The following HHAT variants were observed in gnomAD, a reference collection of about 807,000 sequenced individuals.
The protein encoded by HHAT is protein-cysteine N-palmitoyltransferase HHAT.
In HHAT, 47 loss-of-function variants were observed where a neutral mutation model predicts 70.8. The observed-to-expected ratio is 0.66, with a 90% CI of 0.53 to 0.85. The LOEUF (loss-of-function observed/expected upper bound fraction) is 0.85. HHAT is among the 40% of genes least tolerant of loss of function. The pLI is 0.00. For synonymous variants in HHAT, 228 were observed against 247.6 expected (o/e 0.92, Z 0.74); for missense variants, 609 against 604.8 (o/e 1.01, Z -0.07).
rs1389977840 is a variant in HHAT, at chr1:210,430,454, ATG to A, written c.856+12132_856+12133del. ...TTTATAAAAACATGAGTTTTATAAA[ATG>A]TGAGTTCATACTGAGATTTTAAATT... On this transcript the variant is annotated intron_variant, in intron 7 of 11. Transcript: ENST00000261458. Among the ~76,000 whole-genome samples the A allele has an allele frequency of 6.1e-4, 92 of 152,046 alleles. 3 individuals are homozygous for A. Among genetic ancestry groups the A allele is most frequent in the African/African-American group, 2.2e-3 (90 of 41,304 alleles).
At chr1:210,586,439 C>G (rs1660472627) in intron 9 of HHAT, among the ~76,000 whole-genome samples, 2 of 152,210 alleles carry the variant, frequency 1.3e-5, no homozygotes, top group East Asian at 1.9e-4. Context: ...GATGCTATCT[C>G]TAAAAATAAA....
chr1:210,524,088 G>A (rs1191820548), intron 9 of HHAT, among the ~76,000 whole-genome samples: 2 of 152,184 alleles, frequency 1.3e-5, no homozygotes, highest in Non-Finnish European at 2.9e-5. Flanking sequence ...GGTTGCCAGG[G>A]GGTGGGGGAA....
chr1:210,585,599 G>T (rs1660261839), intron 9 of HHAT, among the ~76,000 whole-genome samples: 1 of 151,968 alleles, frequency 6.6e-6, no homozygotes, highest in Admixed American at 6.6e-5. Flanking sequence ...TTGTATTTTT[G>T]GTCGAGACAG....
At chr1:210,429,077 A>G (rs1229798060) in intron 7 of HHAT, among the ~76,000 whole-genome samples, 1 of 151,848 alleles carries the variant, frequency 6.6e-6, no homozygotes, top group Admixed American at 6.5e-5. Flanking sequence ...CATATCACCT[A>G]TGAAGTCATA....
intron 11 of HHAT, among the ~76,000 whole-genome samples, chr1:210,658,828 C>T (rs1003071472): frequency 5.3e-5 from 8 of 152,090 alleles, no homozygotes; most frequent in Non-Finnish European, 7.4e-5. Flanking sequence ...AACTTGCTCC[C>T]GAATGACTAC....
intron 7 of HHAT, among the ~76,000 whole-genome samples, chr1:210,447,509 A>G (rs980706795): frequency 1.3e-5 from 2 of 152,216 alleles, no homozygotes; most frequent in African/African-American, 4.8e-5. Context: ...CCGATCAGAA[A>G]GGGAGTTGGT....
At chr1:210,336,563 C>T (rs1400535344) in intron 1 of HHAT, among the ~76,000 whole-genome samples, 1 of 151,952 alleles carries the variant, frequency 6.6e-6, no homozygotes, top group East Asian at 1.9e-4. Flanking sequence ...GAGGGAGGAT[C>T]ACTTGAGGCC....
chr1:210,471,036 C>T (rs1572674141), intron 8 of HHAT, among the ~76,000 whole-genome samples: 1 of 152,144 alleles, frequency 6.6e-6, no homozygotes, highest in Non-Finnish European at 1.5e-5. Flanking sequence ...AACCGTAGCA[C>T]CCTCCTCAGT....
At chr1:210,650,631 C>T (rs1442570197) in intron 11 of HHAT, among the ~76,000 whole-genome samples, 4 of 152,166 alleles carry the variant, frequency 2.6e-5, no homozygotes, top group Admixed American at 6.5e-5. Context: ...TAAGGGGATT[C>T]GGATCCAACT....
chr1:210,482,757 C>T (rs991666140), intron 8 of HHAT, among the ~76,000 whole-genome samples: 29 of 152,070 alleles, frequency 1.9e-4, no homozygotes, highest in African/African-American at 6.3e-4. Flanking sequence ...GCAGAGCTTC[C>T]GTGTATACAG....
intron 11 of HHAT, among the ~76,000 whole-genome samples, chr1:210,666,534 G>A (rs1158371388): frequency 6.6e-6 from 1 of 152,012 alleles, no homozygotes; most frequent in African/African-American, 2.4e-5. Flanking sequence ...CCAGGCTAGA[G>A]GTGCAGTGGC....
chr1:210,396,317 C>G (rs990747114), intron 4 of HHAT, among the ~76,000 whole-genome samples: 1 of 152,166 alleles, frequency 6.6e-6, no homozygotes, highest in Non-Finnish European at 1.5e-5. Flanking sequence ...AAGCTCATCT[C>G]AAGCTTCAGG....
At chr1:210,333,104 C>T (rs775113167) in intron 1 of HHAT, among the ~76,000 whole-genome samples, 2 of 152,164 alleles carry the variant, frequency 1.3e-5, no homozygotes, top group Admixed American at 6.5e-5. Context: ...TGCAGCTGTA[C>T]GATGGAAGTA....
At chr1:210,527,057 G>T (rs577145614) in intron 9 of HHAT, among the ~76,000 whole-genome samples, 57 of 152,220 alleles carry the variant, frequency 3.7e-4, no homozygotes, top group African/African-American at 1.3e-3. Flanking sequence ...GACAACTCTT[G>T]GTGGGCTTTT....
rs568919169 is a variant in HHAT, at chr1:210,515,744, C to T, written c.1043+2556C>T. 3.1e-4 allele frequency among the ~76,000 whole-genome samples: 36 copies of T among 117,840 alleles called. No individual in the cohort carries two copies. The East Asian group carries it at 5.6e-3, about 18-fold the overall frequency. The allele number at this position is 117,840 out of a possible 152,430, so 77.3% of individuals were successfully genotyped here. ...CTGCACTCCAGCCTGGGCGATACAG[C>T]GAGACTCCGTCTCAAAAAAAAAAAA... On this transcript the variant is annotated intron_variant, in intron 9 of 11. Coordinates refer to ENST00000261458, the MANE Select transcript of HHAT (RefSeq NM_018194.6).
intron 3 of HHAT, among the ~76,000 whole-genome samples, chr1:210,367,152 C>G (rs1190042116): frequency 6.6e-6 from 1 of 152,190 alleles, no homozygotes; most frequent in Non-Finnish European, 1.5e-5. Flanking sequence ...TAGGATAGCA[C>G]TCTTTTGGGT....
chr1:210,434,647 C>T (rs926578), intron 7 of HHAT, among the ~76,000 whole-genome samples: 34,253 of 151,412 alleles, frequency 0.23, 4,407 homozygotes, highest in Admixed American at 0.35. Context: ...GTCCACATCT[C>T]CTGGAATTTG....
intron 10 of HHAT, among the ~76,000 whole-genome samples, chr1:210,598,989 G>A (rs1001065792): frequency 6.6e-6 from 1 of 152,098 alleles, no homozygotes; most frequent in African/African-American, 2.4e-5. Flanking sequence ...CTATTTCTTG[G>A]TGTTGGTAGA....
intron 3 of HHAT, among the ~76,000 whole-genome samples, chr1:210,377,595 A>C (rs2090326730): frequency 6.6e-6 from 1 of 152,224 alleles, no homozygotes; most frequent in African/African-American, 2.4e-5. Context: ...ACAGGTCAGT[A>C]GGTAGAGTTG....
Sources: gnomAD v4.1 joint callset for allele counts (sites outside exome capture counted in the v4.1 genomes callset) on GRCh38, gnomAD v4.1.1 for gene constraint, MANE v1.5 for transcripts, NCBI Gene and HGNC (gene_info 2026-07-23, HGNC 2026-07-21) for gene names.